The following DMRTB1 variants were observed in gnomAD, a reference collection of about 807,000 sequenced individuals.
DMRTB1 encodes doublesex- and mab-3-related transcription factor B1.
DMRTB1 carries 9 observed loss-of-function variants against 25.2 expected under a neutral mutation model. That is an observed-to-expected ratio of 0.36 (90% confidence interval 0.22 to 0.62). The LOEUF (loss-of-function observed/expected upper bound fraction) is 0.62, where lower values mean the gene tolerates loss of function less well. Ranked by LOEUF, DMRTB1 falls within the 20% of genes least tolerant of loss-of-function variation. The pLI is 0.71. For missense variants in DMRTB1, 551 were observed against 499.3 expected, an observed-to-expected ratio of 1.10 and a Z score of -0.99; for synonymous variants, 269 against 238.1, an observed-to-expected ratio of 1.13 and a Z score of -1.20.
Position 53,464,702 on chromosome 1 carries a change from G to A in DMRTB1, c.816G>A (p.Pro272=), listed in dbSNP as rs746862743. ...YYLPPPPPPL[P]PLPPLPPQPQ... is the part of the protein sequence containing the mutation. ...TGCCGCCGCCGCCGCCGCCACTGCC[G>A]CCCCTTCCACCGCTTCCACCGCAGC... The change falls in exon 3 of 4, where the codon CCG becomes CCA. Residue 272 remains proline (P), a synonymous_variant. Coordinates refer to ENST00000371445, the MANE Select transcript of DMRTB1 (RefSeq NM_033067.3). 30 of 1,612,988 alleles carry A rather than the reference G, an allele frequency of 1.9e-5. No individual in the cohort carries two copies. The Middle Eastern group carries it at 5.0e-4, about 27-fold the overall frequency.
chr1:53,464,263 T>C (rs919327676), intron 2 of DMRTB1, among the ~76,000 whole-genome samples: 1 of 152,120 alleles, frequency 6.6e-6, no homozygotes, highest in African/African-American at 2.4e-5. Flanking sequence ...ACAAAGCAGC[T>C]CTGCGGCCCT....
At chr1:53,465,913 G>C (rs1569655422) in intron 3 of DMRTB1, among the ~76,000 whole-genome samples, 1 of 152,356 alleles carries the variant, frequency 6.6e-6, no homozygotes. Flanking sequence ...AGAACCTGAA[G>C]TGATGAAGGC....
chr1:53,464,066 A>G (rs1388259446), intron 2 of DMRTB1, among the ~76,000 whole-genome samples: 2 of 152,168 alleles, frequency 1.3e-5, no homozygotes, highest in Non-Finnish European at 2.9e-5. Flanking sequence ...CTACACCCAC[A>G]TTGCCAACCT....
Position 53,467,010 on chromosome 1 carries a change from T to C in DMRTB1, c.*348T>C. ...AGTATTTGATTTCCTCAGGCCCCAC[T>C]CTAGGACAGGAGGCACCATCTATTT... On this transcript the variant is annotated 3_prime_UTR_variant, in exon 4 of 4. Transcript: ENST00000371445. The C allele has an allele frequency of 4.2e-6, 1 of 239,242 alleles. No individual in the cohort carries two copies. Among genetic ancestry groups the C allele is most frequent in the Non-Finnish European group, 8.1e-6 (1 of 123,596 alleles). 14.8% of individuals were successfully genotyped at this position (239,242 alleles called of 1,614,324 possible). A position where few individuals can be genotyped will look rare whatever the true frequency, so the allele number is the denominator to read the frequency against.
Position 53,459,891 on chromosome 1 carries a change from G to A in DMRTB1, c.438G>A (p.Pro146=), listed in dbSNP as rs747254182. The A allele has an allele frequency of 7.2e-6, 11 of 1,526,232 alleles. No individual in the cohort carries two copies. The highest frequency in any genetic ancestry group is 8.7e-6 in the Non-Finnish European group (10 of 1,146,088). The allele number at this position is 1,526,232 out of a possible 1,614,324, so 94.5% of individuals were successfully genotyped here. A position where few individuals can be genotyped will look rare whatever the true frequency, so the allele number is the denominator to read the frequency against. ...TGGGCGGCCGCAGCCACGTGGAGCC[G>A]AGCGAGCGAGCCGCCGTGGCGATGC... ...PVLGGRSHVE[P]SERAAVAMPS... The change falls in exon 1 of 4, where the codon CCG becomes CCA. Residue 146 remains proline, a synonymous_variant. Coordinates refer to ENST00000371445, the MANE Select transcript of DMRTB1 (RefSeq NM_033067.3).
rs932478034 is a variant in DMRTB1 at position 53,466,959 on chromosome 1, C to T, written c.*297C>T. The stretch of plus-strand genomic sequence containing the variant: ...TTTAACTGTCCTTGGGTTACACTAC[C>T]ATTTATTGGAACAAGCCCCAGAGGC... On this transcript the variant is annotated 3_prime_UTR_variant, in exon 4 of 4. Transcript: ENST00000371445. 1.0e-5 allele frequency: 4 copies of T among 391,188 alleles called. No homozygotes were observed. The highest frequency in any genetic ancestry group is 4.2e-5 in the Admixed American group (1 of 23,972). 24.2% of individuals were successfully genotyped at this position (391,188 alleles called of 1,614,324 possible). A position where few individuals can be genotyped will look rare whatever the true frequency, so the allele number is the denominator to read the frequency against.
Position 53,459,782 on chromosome 1 carries a change from G to T in DMRTB1, c.329G>T (p.Gly110Val). ...PGTPSGDADP[G>V]PEGRAAACFF... ...ACTCCCTCCGGAGACGCCGACCCGG[G>T]ACCCGAGGGCCGCGCGGCCGCTTGC... The change falls in exon 1 of 4, where the codon GGA becomes GTA. Residue 110 changes from glycine to valine, a missense_variant. Physicochemically the swap from Gly to Val is moderately radical, Grantham distance 109. Coordinates refer to ENST00000371445, the MANE Select transcript of DMRTB1 (RefSeq NM_033067.3). The T allele has an allele frequency of 7.2e-7, 1 of 1,388,864 alleles. No homozygotes were observed. Among genetic ancestry groups the T allele is most frequent in the Non-Finnish European group, 9.3e-7 (1 of 1,074,636 alleles). 86.0% of individuals were successfully genotyped at this position (1,388,864 alleles called of 1,614,324 possible). A position where few individuals can be genotyped will look rare whatever the true frequency, so the allele number is the denominator to read the frequency against.
intron 3 of DMRTB1, among the ~76,000 whole-genome samples, chr1:53,466,092 T>C (rs1362849268): frequency 8.5e-5 from 13 of 152,234 alleles, no homozygotes; most frequent in Admixed American, 8.5e-4. Flanking sequence ...AACTTGAATC[T>C]GAATCACATG....
rs529370968 is a variant in DMRTB1 at position 53,460,298 on chromosome 1, G to A, written c.577+268G>A. 49 of 401,578 alleles carry A rather than the reference G, an allele frequency of 1.2e-4. 1 individual carries two copies. In the South Asian group the frequency reaches 1.9e-3, roughly 16 times the overall value. The allele number at this position is 401,578 out of a possible 1,614,324, so 24.9% of individuals were successfully genotyped here. On this transcript the variant is annotated intron_variant, in intron 1 of 3. Transcript: ENST00000371445. ...CCATTCCGGCATGCAAGAACAAAAT[G>A]GCGTCCAGTCGACTTAGCAGTGCTT...
At chr1:53,461,328 A>T (rs928714606) in intron 1 of DMRTB1, 145 bp from the exon 2 acceptor site, 13 of 799,034 alleles carry the variant, frequency 1.6e-5, no homozygotes, top group Non-Finnish European at 1.8e-5. Flanking sequence ...GAGGATGGAG[A>T]TGCAGTGAGG....
chr1:53,465,825 C>T (rs1479174489), intron 3 of DMRTB1, among the ~76,000 whole-genome samples: 2 of 152,218 alleles, frequency 1.3e-5, no homozygotes, highest in Non-Finnish European at 2.9e-5. Context: ...CTCATTTACT[C>T]TTTGGTGCTC....
rs1376143285 is a variant in DMRTB1 at position 53,459,690 on chromosome 1, G to C, written c.237G>C (p.Gly79=). The part of the protein sequence containing the change: ...LCAQGPKQAS[G]AAAAAPAPVP... ...CGCAGGGGCCCAAGCAGGCCTCCGG[G>C]GCTGCGGCCGCCGCCCCCGCCCCCG... The change falls in exon 1 of 4, where the codon GGG becomes GGC. Residue 79 remains glycine, a synonymous_variant. Coordinates refer to ENST00000371445, the MANE Select transcript of DMRTB1 (RefSeq NM_033067.3). 1.5e-5 allele frequency: 23 copies of C among 1,502,198 alleles called. No individual in the cohort carries two copies. The highest frequency in any genetic ancestry group is 2.0e-5 in the Non-Finnish European group (22 of 1,127,240). 93.1% of individuals were successfully genotyped at this position (1,502,198 alleles called of 1,614,324 possible).
chr1:53,465,601 G>A (rs984213450), intron 3 of DMRTB1, among the ~76,000 whole-genome samples: 4 of 152,238 alleles, frequency 2.6e-5, no homozygotes, highest in African/African-American at 9.6e-5. Context: ...TAAAATGACT[G>A]TCAGACCATC....
At chr1:53,461,095 G>A (rs1372524984) in intron 1 of DMRTB1, among the ~76,000 whole-genome samples, 2 of 152,220 alleles carry the variant, frequency 1.3e-5, no homozygotes, top group Non-Finnish European at 2.9e-5. Flanking sequence ...TTGTGGGAGG[G>A]ACAGGGTTGA....
intron 2 of DMRTB1, 49 bp downstream of exon 2, chr1:53,461,694 C>T (rs368627948): frequency 2.0e-6 from 3 of 1,505,804 alleles, no homozygotes; most frequent in Middle Eastern, 1.8e-4. Flanking sequence ...CCAGTCTGCC[C>T]CTGCTGCCTT....
chr1:53,459,944 C>T lies in DMRTB1; in HGVS notation c.491C>T (p.Ala164Val), dbSNP rs369473233. The change falls in exon 1 of 4, where the codon GCG becomes GTG. Residue 164 changes from alanine (A) to valine (V), a missense_variant. Physicochemically the swap from Ala to Val is moderately conservative, Grantham distance 64. Coordinates refer to ENST00000371445, the MANE Select transcript of DMRTB1 (RefSeq NM_033067.3). ...MPSLAGPPFG[A>V]EAAGSGYPGP... ...AGCCTTGCGGGACCCCCTTTTGGGGCGGAGGCCGCAGGCAGTGGCTACCCT... is the reference window on the plus strand; with the variant it reads ...AGCCTTGCGGGACCCCCTTTTGGGGTGGAGGCCGCAGGCAGTGGCTACCCT... The T allele has an allele frequency of 1.6e-4, 244 of 1,568,052 alleles. No individual in the cohort carries two copies. The African/African-American group carries it at 2.9e-3, about 19-fold the overall frequency.
chr1:53,465,010 C>T (rs1644043783), intron 3 of DMRTB1, among the ~76,000 whole-genome samples, 163 bp downstream of exon 3: 1 of 152,136 alleles, frequency 6.6e-6, no homozygotes, highest in Non-Finnish European at 1.5e-5. Flanking sequence ...CCTCCAGTCC[C>T]CATAGGCACA....
At position 53,459,636 on chromosome 1, in the gene DMRTB1, C is replaced by A. The variant is rs201603810; in HGVS notation, c.183C>A (p.Ala61=). The A allele has an allele frequency of 6.4e-7, 1 of 1,560,910 alleles. No individual in the cohort carries two copies. Among genetic ancestry groups the A allele is most frequent in the South Asian group, 1.2e-5 (1 of 85,216 alleles). Residue 61 remains alanine (A), a synonymous_variant, in exon 1 of 4, where the codon GCC becomes GCA. Coordinates refer to ENST00000371445, the MANE Select transcript of DMRTB1 (RefSeq NM_033067.3). Reference sequence around the variant, plus strand: ...AGAAGGTGCTCAAGACGCAGGCCGCCGAGGAGGAGCAGGAGGCGGCCCTGT... The same window carrying A: ...AGAAGGTGCTCAAGACGCAGGCCGCAGAGGAGGAGCAGGAGGCGGCCCTGT... ...AAQKVLKTQA[A]EEEQEAALCA...
chr1:53,459,612 G>A lies in DMRTB1; in HGVS notation c.159G>A (p.Gln53=), dbSNP rs769863672. The stretch of plus-strand genomic sequence containing the variant: ...AGCGCCAGAAGATCATGGCCGCGCA[G>A]AAGGTGCTCAAGACGCAGGCCGCCG... ...ISERQKIMAA[Q]KVLKTQAAEE... The change falls in exon 1 of 4, where the codon CAG becomes CAA. Residue 53 remains glutamine, a synonymous_variant. Transcript: ENST00000371445. 19 of 1,583,464 alleles carry A rather than the reference G, an allele frequency of 1.2e-5. No individual in the cohort carries two copies. Among genetic ancestry groups the A allele is most frequent in the Admixed American group, 1.8e-5 (1 of 55,358 alleles).
Sources: gnomAD v4.1 joint callset for allele counts (sites outside exome capture counted in the v4.1 genomes callset) on GRCh38, gnomAD v4.1.1 for gene constraint, MANE v1.5 for transcripts, NCBI Gene and HGNC (gene_info 2026-07-23, HGNC 2026-07-21) for gene names.